Variants in GALNT13 observed in about 807,000 individuals in gnomAD.
GALNT13 encodes the protein polypeptide N-acetylgalactosaminyltransferase 13.
Under a neutral mutation model 64.2 loss-of-function variants are expected in GALNT13, and 28 were observed. The ratio of observed to expected loss-of-function variants is 0.44; its 90% confidence interval spans 0.32 to 0.60. GALNT13 has a LOEUF of 0.60. Among genes scored for constraint, GALNT13 ranks in the 20% least tolerant of loss-of-function variants. GALNT13 has a pLI of 0.05. For synonymous variants in GALNT13, 214 were observed against 224.6 expected (o/e 0.95, Z 0.42); for missense variants, 577 against 669.8 (o/e 0.86, Z 1.53).
the GALNT13 span, among the ~76,000 whole-genome samples, chr2:153,566,347 C>CTTTTT: frequency 1.3e-5 from 1 of 76,408 alleles, no homozygotes; most frequent in Non-Finnish European, 2.4e-5. Context: ...CTTCTAATCA[C>CTTTTT]GTTTTTTTTT....
chr2:153,222,307 TGGGGGG>T, the GALNT13 span, among the ~76,000 whole-genome samples: 9 of 6,322 alleles, frequency 1.4e-3, no homozygotes, highest in African/African-American at 6.5e-3. Flanking sequence ...TGAGTCTGGC[TGGGGGG>T]GGGGGGGGGG....
chr2:153,811,864 A>G, the GALNT13 span, among the ~76,000 whole-genome samples: 2 of 152,232 alleles, frequency 1.3e-5, no homozygotes, highest in African/African-American at 4.8e-5. Flanking sequence ...TCCAAAATTA[A>G]CACATTTGCC....
chr2:154,446,720 TA>T (rs1701600482), intron 12 of GALNT13: 1 of 1,544,678 alleles, frequency 6.5e-7, no homozygotes, highest in South Asian at 1.2e-5. Context: ...TTTTTAGAAA[TA>T]TTTTTGGGAA....
chr2:153,337,887 T>TA, the GALNT13 span: 2 of 152,214 alleles, frequency 1.3e-5, no homozygotes, highest in African/African-American at 4.8e-5. Context: ...TAAAGTAGTC[T>TA]AAATAATACA....
intron 9 of GALNT13, among the ~76,000 whole-genome samples, chr2:154,360,586 C>T (rs1697009537): frequency 6.6e-6 from 1 of 152,144 alleles, no homozygotes; most frequent in African/African-American, 2.4e-5. Flanking sequence ...GGAATTATTC[C>T]TCAGATGGCT....
Position 154,407,213 on chromosome 2 carries a change from T to C in GALNT13, c.1297-1771T>C, listed in dbSNP as rs150052307. Among the ~76,000 whole-genome samples the C allele has an allele frequency of 3.6e-3, 548 of 152,254 alleles. 4 individuals carry two copies. Among genetic ancestry groups the C allele is most frequent in the African/African-American group, 0.012 (508 of 41,562 alleles). On this transcript the variant is annotated intron_variant, in intron 10 of 12. Coordinates refer to ENST00000392825, the MANE Select transcript of GALNT13 (RefSeq NM_052917.4). ...CCTAGCAGAGATTCTTCTAATCAGATTGCATACCTTACATCTAAAAATGAA... is the reference window on the plus strand; with the variant it reads ...CCTAGCAGAGATTCTTCTAATCAGACTGCATACCTTACATCTAAAAATGAA...
chr2:153,680,334 C>T, the GALNT13 span, among the ~76,000 whole-genome samples: 3 of 151,318 alleles, frequency 2.0e-5, no homozygotes, highest in Non-Finnish European at 4.4e-5. Flanking sequence ...TTTCTACTAC[C>T]CTATGGGAAA....
At chr2:154,296,237 A>T (rs2105971861) in intron 8 of GALNT13, among the ~76,000 whole-genome samples, 1 of 152,320 alleles carries the variant, frequency 6.6e-6, no homozygotes, top group African/African-American at 2.4e-5. Flanking sequence ...TGCTGGAACA[A>T]CCTGTAAAAT....
intron 3 of GALNT13, among the ~76,000 whole-genome samples, chr2:154,066,737 G>C (rs1323821188): frequency 6.6e-6 from 1 of 152,084 alleles, no homozygotes; most frequent in Non-Finnish European, 1.5e-5. Flanking sequence ...ACGAAAGGGA[G>C]TTATTTAATT....
chr2:153,150,908 AT>A, the GALNT13 span, among the ~76,000 whole-genome samples: 1 of 152,096 alleles, frequency 6.6e-6, no homozygotes, highest in Non-Finnish European at 1.5e-5. Context: ...AGGTAGCATG[AT>A]GCCTCCAGCT....
chr2:154,001,322 A>G (rs1405551030), intron 3 of GALNT13, among the ~76,000 whole-genome samples: 1 of 151,870 alleles, frequency 6.6e-6, no homozygotes, highest in African/African-American at 2.4e-5. Context: ...TATTACTGAT[A>G]TATTTTTACT....
At chr2:153,996,989 T>C (rs1342346139) in intron 3 of GALNT13, among the ~76,000 whole-genome samples, 1 of 152,132 alleles carries the variant, frequency 6.6e-6, no homozygotes, top group Non-Finnish European at 1.5e-5. Context: ...CTGAGATGCA[T>C]GGATTTGTTT....
At chr2:154,094,526 G>A (rs1220800030) in intron 3 of GALNT13, among the ~76,000 whole-genome samples, 1 of 151,842 alleles carries the variant, frequency 6.6e-6, no homozygotes, top group Non-Finnish European at 1.5e-5. Context: ...TTATTTTTGT[G>A]AGAAAATAGT....
chr2:153,545,389 G>A, the GALNT13 span, among the ~76,000 whole-genome samples: 17 of 152,282 alleles, frequency 1.1e-4, no homozygotes, highest in Non-Finnish European at 2.4e-4. Flanking sequence ...TCTTAGCCAC[G>A]ACTCAGTCAC....
chr2:154,224,736 C>T (rs1302621515), intron 4 of GALNT13, among the ~76,000 whole-genome samples: 2 of 152,054 alleles, frequency 1.3e-5, no homozygotes, highest in African/African-American at 4.8e-5. Flanking sequence ...TGACACAAAT[C>T]TCACATCAGA....
chr2:154,274,750 G>A (rs945547618), intron 8 of GALNT13, among the ~76,000 whole-genome samples: 2 of 152,072 alleles, frequency 1.3e-5, no homozygotes, highest in African/African-American at 4.8e-5. Flanking sequence ...GACTAATACA[G>A]TAAATTGGTA....
intron 9 of GALNT13, among the ~76,000 whole-genome samples, chr2:154,358,830 A>G (rs951431793): frequency 1.3e-5 from 2 of 152,124 alleles, no homozygotes; most frequent in African/African-American, 4.8e-5. Flanking sequence ...AATGGAAGAA[A>G]TGTGTGACTT....
At chr2:154,428,269 C>G (rs1700554571) in intron 11 of GALNT13, among the ~76,000 whole-genome samples, 2 of 152,180 alleles carry the variant, frequency 1.3e-5, no homozygotes, top group Non-Finnish European at 2.9e-5. Flanking sequence ...CACTAAGCAG[C>G]TCGGACATAT....
At chr2:153,172,736 C>A in the GALNT13 span, among the ~76,000 whole-genome samples, 6 of 152,116 alleles carry the variant, frequency 3.9e-5, no homozygotes, top group Admixed American at 2.0e-4. Flanking sequence ...CTTCCCATGC[C>A]AACAAAGGAT....
Sources: allele counts gnomAD v4.1 joint callset (sites outside exome capture counted in the v4.1 genomes callset), GRCh38; gene constraint gnomAD v4.1.1; transcripts MANE v1.5; gene names NCBI Gene and HGNC (gene_info 2026-07-23, HGNC 2026-07-21).